P3H3: variants seen among roughly 807,000 people sequenced by gnomAD.
P3H3 encodes the protein prolyl 3-hydroxylase 3.
In P3H3, 64 loss-of-function variants were observed where a neutral mutation model predicts 78.1. The ratio of observed to expected loss-of-function variants is 0.82; its 90% CI spans 0.67 to 1.01. The LOEUF is 1.01. P3H3 is among the 50% of genes least tolerant of loss of function. The pLI is 0.00. For missense variants in P3H3, 975 were observed against 982.2 expected (o/e 0.99, Z 0.10); for synonymous variants, 425 against 416.7 (o/e 1.02, Z -0.24).
Position 6,838,799 on chromosome 12 carries a change from C to T in P3H3, c.1906-201C>T, listed in dbSNP as rs1325354146. ...GGAGACCCCTTTTTCCTTTGGTTCC[C>T]AACTCCTCTTGCATTTTTGCTCTGC... On this transcript the variant is annotated intron_variant, in intron 13 of 14. Coordinates refer to ENST00000290510, the MANE Select transcript of P3H3 (RefSeq NM_014262.5). Among the ~76,000 whole-genome samples, 5 of 152,186 alleles carry T rather than the reference C, an allele frequency of 3.3e-5. No homozygotes were observed. In the East Asian group the frequency reaches 9.6e-4, roughly 29 times the overall value.
intron 2 of P3H3, 136 bp from the exon 3 acceptor site, chr12:6,830,217 C>A: frequency 9.7e-7 from 1 of 1,030,040 alleles, no homozygotes. Flanking sequence ...GATTCTGAGG[C>A]CCACCCTTAT....
Position 6,830,503 on chromosome 12 carries a change from G to A in P3H3, c.802G>A (p.Glu268Lys), listed in dbSNP as rs781850014. The change falls in exon 3 of 15, where the codon GAA (glutamate) becomes AAA (lysine). Residue 268 changes from glutamate to lysine, a missense_variant. Transcript: ENST00000290510. ...EGPEEQQGAE[E>K]EEDGAASQGG... ...GCCTGAGGAGCAGCAGGGGGCTGAA[G>A]AAGAGGAGGATGGGGCTGCGAGCCA... The A allele has an allele frequency of 1.3e-6, 2 of 1,583,620 alleles. No homozygotes were observed. Among genetic ancestry groups the A allele is most frequent in the Non-Finnish European group, 1.7e-6 (2 of 1,165,740 alleles).
chr12:6,828,602 G>A lies in P3H3; in HGVS notation c.162G>A (p.Ala54=), dbSNP rs1943407987. ...GCGCCTACGCGGCCGGGGCTTGGGC[G>A]CCGGCCGTGGCGCTGCTGCGGGAGG... ...GLRAYAAGAW[A]PAVALLREAL... is the part of the protein sequence containing the mutation. The change falls in exon 1 of 15, where the codon GCG becomes GCA. Residue 54 remains alanine (A), a synonymous_variant. Coordinates refer to ENST00000290510, the MANE Select transcript of P3H3 (RefSeq NM_014262.5). 8.2e-7 allele frequency: 1 copy of A among 1,219,488 alleles called. No homozygotes were observed. Among genetic ancestry groups the A allele is most frequent in the Non-Finnish European group, 1.0e-6 (1 of 980,296 alleles). The allele number at this position is 1,219,488 out of a possible 1,614,324, so 75.5% of individuals were successfully genotyped here.
In P3H3 at chr12:6,829,880, G is replaced by A; in HGVS notation, c.520G>A (p.Ala174Thr). 6.2e-7 allele frequency: 1 copy of A among 1,614,034 alleles called. No homozygotes were observed. The highest frequency in any genetic ancestry group is 1.1e-5 in the South Asian group (1 of 91,092). The change falls in exon 2 of 15, where the codon GCT (alanine) becomes ACT (threonine). Residue 174 changes from alanine (A) to threonine (T), a missense_variant. Transcript: ENST00000290510. This position sits in a 1 kb window ranked among gnomAD's most constrained non-coding sequence, Gnocchi z 5.1. Reference protein sequence around the residue: ...YYQLKKLDLAAAAAHTFFVAN... With the variant: ...YYQLKKLDLATAAAHTFFVAN... ...TCAGTTGAAGAAGCTGGATCTGGCA[G>A]CTGCGGCAGCACACACCTTCTTTGT...
At chr12:6,833,430 T>C in intron 6 of P3H3, 162 bp from the exon 7 acceptor site, 1 of 656,700 alleles carries the variant, frequency 1.5e-6, no homozygotes, top group Non-Finnish European at 2.7e-6. Flanking sequence ...TTGTTACAGT[T>C]TGATCCACTG....
intron 8 of P3H3, 32 bp from the exon 9 acceptor site, chr12:6,833,893 C>T (rs1555121775): frequency 6.2e-7 from 1 of 1,613,948 alleles, no homozygotes; most frequent in Non-Finnish European, 8.5e-7. Context: ...AGGGGATGCT[C>T]AGCCCCCTCT....
chr12:6,836,234 T>TTA (rs1943494568), intron 9 of P3H3, among the ~76,000 whole-genome samples: 3 of 75,632 alleles, frequency 4.0e-5, no homozygotes, highest in South Asian at 5.1e-4. Flanking sequence ...AAACAAAAAA[T>TTA]GAAAAAAAAA....
rs373283925 is a variant in P3H3, at chr12:6,831,875, C to T, written c.1173C>T (p.Tyr391=). The T allele has an allele frequency of 1.3e-5, 21 of 1,608,694 alleles. 1 individual carries two copies. The highest frequency in any genetic ancestry group is 3.3e-4 in the Middle Eastern group (2 of 6,082). The change falls in exon 6 of 15, where the codon TAC becomes TAT. Residue 391 remains tyrosine (Y), a synonymous_variant. Transcript: ENST00000290510. The surrounding 1 kb of genome is among the most constrained non-coding windows in gnomAD (Gnocchi z 4.6). ...LRSLGEKRQL[Y]YAMEHLGTSF... is the part of the protein sequence containing the mutation. ...CCCTGGGGGAGAAGAGGCAGCTCTACTATGCCATGGAGCACCTGGGGACCA... is the reference window on the plus strand; with the variant it reads ...CCCTGGGGGAGAAGAGGCAGCTCTATTATGCCATGGAGCACCTGGGGACCA...
chr12:6,830,078 T>G, intron 2 of P3H3, 67 bp downstream of exon 2: 1 of 1,587,096 alleles, frequency 6.3e-7, no homozygotes, highest in South Asian at 1.1e-5. Flanking sequence ...CAGGCCTCAC[T>G]AAACTGTGCG....
Position 6,839,800 on chromosome 12 carries a change from C to G in P3H3, c.*339C>G. The G allele has an allele frequency of 3.5e-6, 1 of 285,168 alleles. No homozygotes were observed. Among genetic ancestry groups the G allele is most frequent in the Non-Finnish European group, 6.8e-6 (1 of 147,588 alleles). The allele number at this position is 285,168 out of a possible 1,614,324, so 17.7% of individuals were successfully genotyped here. The stretch of plus-strand genomic sequence containing the variant: ...GATGGTGGGGTTGGGAGGTATAACC[C>G]TGCTCCTCTCTCCCAGTCTGTGCAA... On this transcript the variant is annotated 3_prime_UTR_variant, in exon 15 of 15. Transcript: ENST00000290510.
Position 6,830,291 on chromosome 12 carries a change from C to G in P3H3, c.652-62C>G, listed in dbSNP as rs1217434272. On this transcript the variant is annotated intron_variant, in intron 2 of 14. Coordinates refer to ENST00000290510, the MANE Select transcript of P3H3 (RefSeq NM_014262.5). ...CAAATGAGACCAACACCCCTCTCCT[C>G]TCTACCTCCCAGTTTGGCAACCCCT... 7.3e-6 allele frequency: 11 copies of G among 1,499,622 alleles called. No homozygotes were observed. The African/African-American group carries it at 1.4e-4, about 19-fold the overall frequency. The allele number at this position is 1,499,622 out of a possible 1,614,324, so 92.9% of individuals were successfully genotyped here. A position where few individuals can be genotyped will look rare whatever the true frequency, so the allele number is the denominator to read the frequency against.
rs782026011 is a variant in P3H3 at position 6,830,481 on chromosome 12, T to C, written c.780T>C (p.Pro260=). 11 of 1,586,562 alleles carry C rather than the reference T, an allele frequency of 6.9e-6. No individual in the cohort carries two copies. The East Asian group carries it at 2.3e-4, about 33-fold the overall frequency. ...MESCRADCEG[P]EEQQGAEEEE... ...GCTGCCGTGCTGACTGTGAGGGGCC[T>C]GAGGAGCAGCAGGGGGCTGAAGAAG... Residue 260 remains proline (P), a synonymous_variant, in exon 3 of 15, where the codon CCT becomes CCC. Transcript: ENST00000290510.
rs1555121159 is a variant in P3H3, at chr12:6,830,444, C to A, written c.743C>A (p.Ala248Asp). The A allele has an allele frequency of 1.3e-6, 2 of 1,586,620 alleles. No individual in the cohort carries two copies. Among genetic ancestry groups the A allele is most frequent in the East Asian group, 2.3e-5 (1 of 43,600 alleles). ...GAGGAGGCTCTTCAGGGGAGCCTGG[C>A]CCAGATGGAGAGCTGCCGTGCTGAC... ...RLEEALQGSL[A>D]QMESCRADCE... Residue 248 changes from alanine to aspartate, a missense_variant, in exon 3 of 15, where the codon GCC becomes GAC. Transcript: ENST00000290510.
In P3H3 at chr12:6,831,283, T is replaced by G; in HGVS notation, c.1053T>G (p.Ala351=). 1 of 1,613,894 alleles carries G rather than the reference T, an allele frequency of 6.2e-7. No individual in the cohort carries two copies. Among genetic ancestry groups the G allele is most frequent in the Non-Finnish European group, 8.5e-7 (1 of 1,179,856 alleles). ...TGCTCTTCTACCCGGAGGATGAGGC[T>G]GCCAAGAGGGCTCTGAACCAGTACC... ...SVLLFYPEDE[A]AKRALNQYQA... is the part of the protein sequence containing the mutation. Residue 351 remains alanine (A), a synonymous_variant, in exon 5 of 15, where the codon GCT becomes GCG. Transcript: ENST00000290510. This position sits in a 1 kb window ranked among gnomAD's most constrained non-coding sequence, Gnocchi z 4.6.
intron 6 of P3H3, among the ~76,000 whole-genome samples, chr12:6,832,215 A>G (rs1943456991): frequency 1.3e-5 from 2 of 152,162 alleles, no homozygotes; most frequent in Non-Finnish European, 1.5e-5. Flanking sequence ...AAACCACATC[A>G]TTTGATAACA....
chr12:6,828,887 C>G lies in P3H3; in HGVS notation c.447C>G (p.Asp149Glu). ...ARLRVGSALR[D>E]AFRRREPYNY... Reference sequence around the variant, plus strand: ...TTCGCGTGGGGAGCGCGCTCCGGGACGCCTTCCGCCGTCGGGAGCCCTACA... The same window carrying G: ...TTCGCGTGGGGAGCGCGCTCCGGGAGGCCTTCCGCCGTCGGGAGCCCTACA... Residue 149 changes from aspartate to glutamate, a missense_variant, in exon 1 of 15, where the codon GAC becomes GAG. Physicochemically the swap from Asp to Glu is conservative, Grantham distance 45 (BLOSUM62 2). Transcript: ENST00000290510. 1 of 1,247,342 alleles carries G rather than the reference C, an allele frequency of 8.0e-7. No homozygotes were observed. The highest frequency in any genetic ancestry group is 3.1e-5 in the East Asian group (1 of 31,772). The allele number at this position is 1,247,342 out of a possible 1,614,324, so 77.3% of individuals were successfully genotyped here.
Position 6,831,422 on chromosome 12 carries a change from G to A in P3H3, c.1122+70G>A. Reference sequence around the variant, plus strand: ...ACAAATAGACCTGAGAAGTAACCTGGACCCCCACCCCCCGCTGGCCTCTTA... The same window carrying A: ...ACAAATAGACCTGAGAAGTAACCTGAACCCCCACCCCCCGCTGGCCTCTTA... On this transcript the variant is annotated intron_variant, in intron 5 of 14. Coordinates refer to ENST00000290510, the MANE Select transcript of P3H3 (RefSeq NM_014262.5). The surrounding 1 kb of genome is among the most constrained non-coding windows in gnomAD (Gnocchi z 4.6). 6.3e-7 allele frequency: 1 copy of A among 1,591,472 alleles called. No homozygotes were observed. Among genetic ancestry groups the A allele is most frequent in the South Asian group, 1.1e-5 (1 of 89,612 alleles).
Position 6,828,842 on chromosome 12 carries a change from C to T in P3H3, c.402C>T (p.Gly134=), listed in dbSNP as rs1555120864. The change falls in exon 1 of 15, where the codon GGC becomes GGT. Residue 134 remains glycine, a synonymous_variant. Transcript: ENST00000290510. ...CLTQCAARRL[G]PGGAARLRVG... ...CCCAGTGCGCAGCACGGAGGCTGGG[C>T]CCCGGGGGCGCGGCGCGGCTTCGCG... 8.0e-7 allele frequency: 1 copy of T among 1,244,508 alleles called. No homozygotes were observed. Among genetic ancestry groups the T allele is most frequent in the Non-Finnish European group, 1.0e-6 (1 of 994,262 alleles). 77.1% of individuals were successfully genotyped at this position (1,244,508 alleles called of 1,614,324 possible). A position where few individuals can be genotyped will look rare whatever the true frequency, so the allele number is the denominator to read the frequency against.
intron 7 of P3H3, 39 bp from the exon 8 acceptor site, chr12:6,833,703 T>C: frequency 6.2e-7 from 1 of 1,600,374 alleles, no homozygotes; most frequent in Non-Finnish European, 8.6e-7. Context: ...GGGTCTGGAC[T>C]GTCCTGGGCA....
Sources: allele counts gnomAD v4.1 joint callset (sites outside exome capture counted in the v4.1 genomes callset), GRCh38; gene constraint gnomAD v4.1.1; non-coding constraint Gnocchi (gnomAD v3.1); transcripts MANE v1.5; gene names NCBI Gene and HGNC (gene_info 2026-07-23, HGNC 2026-07-21).